The following DOK5 variants were observed in gnomAD, a reference collection of about 807,000 sequenced individuals.
The protein encoded by DOK5 is downstream of tyrosine kinase 5.
A neutral mutation model predicts 43.3 loss-of-function variants in DOK5; 27 were observed. The ratio of observed to expected loss-of-function variants is 0.62; its 90% confidence interval spans 0.46 to 0.86. The LOEUF (loss-of-function observed/expected upper bound fraction) is 0.86. Among genes scored for constraint, DOK5 ranks in the 40% least tolerant of loss-of-function variants. The probability of loss-of-function intolerance (pLI) is 0.00; values close to 1 mark genes in which losing one functional copy is unlikely to be tolerated. For synonymous variants in DOK5, 146 were observed against 140.1 expected, an observed-to-expected ratio of 1.04 and a Z score of -0.30; for missense variants, 373 against 392.9, an observed-to-expected ratio of 0.95 and a Z score of 0.43.
chr20:54,499,376 T>A (rs1374383701), intron 1 of DOK5, among the ~76,000 whole-genome samples: 1 of 151,928 alleles, frequency 6.6e-6, no homozygotes, highest in Non-Finnish European at 1.5e-5. Context: ...TTGGATAGAG[T>A]TTGAATTTGT....
At chr20:54,582,122 G>A (rs1319108922) in intron 2 of DOK5, among the ~76,000 whole-genome samples, 3 of 151,720 alleles carry the variant, frequency 2.0e-5, no homozygotes, top group South Asian at 2.1e-4. Flanking sequence ...CATCTGTTGA[G>A]GTGATGATAT....
chr20:54,515,677 T>C (rs147602671), intron 1 of DOK5, among the ~76,000 whole-genome samples: 1 of 152,334 alleles, frequency 6.6e-6, no homozygotes, highest in Non-Finnish European at 1.5e-5. Context: ...CTCTCTTGAT[T>C]AATACATTTC....
chr20:54,644,808 C>T (rs1979318585), intron 7 of DOK5, among the ~76,000 whole-genome samples: 1 of 150,830 alleles, frequency 6.6e-6, no homozygotes, highest in Admixed American at 6.6e-5. Context: ...GCGGTGGTTG[C>T]AGTGAGCCAG....
At chr20:54,557,122 T>G (rs1481536931) in intron 2 of DOK5, among the ~76,000 whole-genome samples, 1 of 152,156 alleles carries the variant, frequency 6.6e-6, no homozygotes, top group Non-Finnish European at 1.5e-5. Flanking sequence ...TGCCAAATTC[T>G]TGGGCTTCTA....
rs141808279 is a variant in DOK5 at position 54,476,921 on chromosome 20, G to T, written c.66+909G>T. On this transcript the variant is annotated intron_variant, in intron 1 of 7. Coordinates refer to ENST00000262593, the MANE Select transcript of DOK5 (RefSeq NM_018431.5). The stretch of plus-strand genomic sequence containing the variant: ...TGAGGGAGAGGGAAGATACTGGAAC[G>T]ATTTTTTTATTTCCTAAAAATTTCA... 5.9e-4 allele frequency among the ~76,000 whole-genome samples: 90 copies of T among 151,836 alleles called. 1 individual carries two copies. Among genetic ancestry groups the T allele is most frequent in the African/African-American group, 2.1e-3 (88 of 41,372 alleles).
At chr20:54,561,719 G>C (rs192953666) in intron 2 of DOK5, among the ~76,000 whole-genome samples, 6 of 152,222 alleles carry the variant, frequency 3.9e-5, no homozygotes, top group African/African-American at 1.2e-4. Flanking sequence ...GCAATGGTGC[G>C]ATCTCGGCTC....
In DOK5 at chr20:54,602,961, G is replaced by A. The variant is rs150476782; in HGVS notation, c.600-7427G>A. 4.1e-3 allele frequency among the ~76,000 whole-genome samples: 617 copies of A among 152,280 alleles called. 2 individuals are homozygous for A. The highest frequency in any genetic ancestry group is 0.014 in the African/African-American group (581 of 41,544). Reference sequence around the variant, plus strand: ...GCTGGGATTACAGGCATGAGCCACCGCGCCCAGACTTTTAATGTATTTTTT... The same window carrying A: ...GCTGGGATTACAGGCATGAGCCACCACGCCCAGACTTTTAATGTATTTTTT... On this transcript the variant is annotated intron_variant, in intron 5 of 7. Transcript: ENST00000262593.
intron 1 of DOK5, among the ~76,000 whole-genome samples, chr20:54,487,567 G>T (rs763391650): frequency 6.6e-6 from 1 of 152,170 alleles, no homozygotes; most frequent in South Asian, 2.1e-4. Flanking sequence ...TCCAAAGGGT[G>T]CAGGACTGAA....
At chr20:54,641,542 C>G (rs1600761578) in intron 6 of DOK5, among the ~76,000 whole-genome samples, 1 of 82,410 alleles carries the variant, frequency 1.2e-5, no homozygotes, top group Non-Finnish European at 2.3e-5. Context: ...TTCTAATTAT[C>G]ATCATCATCA....
At chr20:54,585,166 T>TTG (rs142691717) in intron 2 of DOK5, among the ~76,000 whole-genome samples, 3,914 of 151,556 alleles carry the variant, frequency 0.026, 70 homozygotes, top group Non-Finnish European at 0.04. Context: ...TGTGTGTGTG[T>TTG]TGTGTGTGTG....
chr20:54,579,133 CAG>C (rs1351898034), intron 2 of DOK5, among the ~76,000 whole-genome samples: 1 of 152,082 alleles, frequency 6.6e-6, no homozygotes, highest in African/African-American at 2.4e-5. Context: ...TTGCCATAAT[CAG>C]TATCATCTTT....
At chr20:54,519,297 C>T (rs1189199502) in intron 1 of DOK5, among the ~76,000 whole-genome samples, 4 of 152,084 alleles carry the variant, frequency 2.6e-5, no homozygotes, top group Admixed American at 2.0e-4. Flanking sequence ...TTAAAAGGGA[C>T]ATGATGTATG....
At chr20:54,577,350 C>T (rs1339153909) in intron 2 of DOK5, among the ~76,000 whole-genome samples, 2 of 152,144 alleles carry the variant, frequency 1.3e-5, no homozygotes, top group South Asian at 2.1e-4. Flanking sequence ...GAAGAGGATT[C>T]GAGTGGAATT....
At chr20:54,605,724 G>A (rs1012705088) in intron 5 of DOK5, among the ~76,000 whole-genome samples, 5 of 152,174 alleles carry the variant, frequency 3.3e-5, no homozygotes, top group Admixed American at 6.5e-5. Flanking sequence ...TCATTCTACA[G>A]TTATTTATTG....
intron 4 of DOK5, among the ~76,000 whole-genome samples, chr20:54,591,092 T>G: frequency 6.6e-6 from 1 of 152,252 alleles, no homozygotes; most frequent in African/African-American, 2.4e-5. Context: ...TGTTGGCCAG[T>G]TAAGTGCATA....
chr20:54,539,068 G>C (rs1214611331), intron 1 of DOK5, among the ~76,000 whole-genome samples: 2 of 152,036 alleles, frequency 1.3e-5, no homozygotes, highest in Non-Finnish European at 2.9e-5. Flanking sequence ...AGATCACAAG[G>C]TCAGGAGTTC....
intron 7 of DOK5, among the ~76,000 whole-genome samples, chr20:54,645,202 AGAAT>A: frequency 6.6e-6 from 1 of 152,062 alleles, no homozygotes; most frequent in Admixed American, 6.5e-5. Flanking sequence ...ATTGAATGCA[AGAAT>A]GAATGAATGA....
chr20:54,488,111 A>G (rs766219449), intron 1 of DOK5, among the ~76,000 whole-genome samples: 2 of 152,228 alleles, frequency 1.3e-5, no homozygotes, highest in East Asian at 1.9e-4. Context: ...CAAAGTGCAG[A>G]TATGTTGGCT....
intron 5 of DOK5, 148 bp from the exon 6 acceptor site, chr20:54,610,240 T>A (rs1986603323): frequency 1.2e-6 from 1 of 848,004 alleles, no homozygotes. Context: ...ACTTTGAACA[T>A]TCCGATTCTA....
Sources: gnomAD v4.1 joint callset for allele counts (sites outside exome capture counted in the v4.1 genomes callset) on GRCh38, gnomAD v4.1.1 for gene constraint, MANE v1.5 for transcripts, NCBI Gene and HGNC (gene_info 2026-07-23, HGNC 2026-07-21) for gene names.